Variants in CDH20 observed in about 807,000 individuals in gnomAD.
CDH20 encodes the protein cadherin-20.
In CDH20, 29 loss-of-function variants were observed where a neutral mutation model predicts 74.2. That is an observed-to-expected ratio of 0.39 (90% CI 0.29 to 0.53). The LOEUF (loss-of-function observed/expected upper bound fraction) is 0.53, where lower values mean the gene tolerates loss of function less well. Among genes scored for constraint, CDH20 ranks in the 20% least tolerant of loss-of-function variants. The pLI, the probability that CDH20 is intolerant of heterozygous loss-of-function variation, is 0.69. For missense variants in CDH20, 988 were observed against 1,048.3 expected, an observed-to-expected ratio of 0.94 and a Z score of 0.79; for synonymous variants, 469 against 405.4, an observed-to-expected ratio of 1.16 and a Z score of -1.88.
At chr18:61,530,649 A>T (rs1912605717) in intron 7 of CDH20, among the ~76,000 whole-genome samples, 1 of 152,174 alleles carries the variant, frequency 6.6e-6, no homozygotes, top group South Asian at 2.1e-4. Context: ...CTTATTTATA[A>T]TCCCCAAAAC....
At chr18:61,469,986 C>T (rs563265654) in intron 1 of CDH20, among the ~76,000 whole-genome samples, 13 of 152,166 alleles carry the variant, frequency 8.5e-5, no homozygotes, top group Middle Eastern at 3.4e-3. Context: ...GATTTCTTAC[C>T]AAAGACCATT....
chr18:61,375,484 CCTTCGTGCTA>C (rs1282619165), intron 1 of CDH20, among the ~76,000 whole-genome samples: 2 of 151,740 alleles, frequency 1.3e-5, no homozygotes, highest in Non-Finnish European at 2.9e-5. Context: ...GAAAAACAAT[CCTTCGTGCTA>C]CTTCGTGCTA....
At chr18:61,486,152 G>A (rs2849866) in intron 1 of CDH20, among the ~76,000 whole-genome samples, 151,026 of 152,288 alleles carry the variant, frequency 0.99, 74,905 homozygotes, top group Middle Eastern at 1. Flanking sequence ...GAAGAAATAA[G>A]AACTTAGTAA....
At chr18:61,492,425 T>TA (rs1910991443) in intron 2 of CDH20, among the ~76,000 whole-genome samples, 1 of 152,186 alleles carries the variant, frequency 6.6e-6, no homozygotes, top group Non-Finnish European at 1.5e-5. Flanking sequence ...ATGGTCTTTT[T>TA]AAAATTTAAG....
chr18:61,446,221 A>G (rs1209398737), intron 1 of CDH20, among the ~76,000 whole-genome samples: 2 of 152,196 alleles, frequency 1.3e-5, no homozygotes, highest in Non-Finnish European at 2.9e-5. Context: ...ACGTTGTAAA[A>G]CTACATACAC....
At chr18:61,456,967 C>CT (rs1248501707) in intron 1 of CDH20, among the ~76,000 whole-genome samples, 2 of 152,140 alleles carry the variant, frequency 1.3e-5, no homozygotes, top group African/African-American at 4.8e-5. Context: ...ACCTAAGTAC[C>CT]TCCCAAAGGC....
At chr18:61,444,020 C>T (rs1316012991) in intron 1 of CDH20, among the ~76,000 whole-genome samples, 5 of 152,070 alleles carry the variant, frequency 3.3e-5, no homozygotes, top group African/African-American at 1.2e-4. Context: ...TACTCTTTCC[C>T]CTGAATATAC....
intron 1 of CDH20, among the ~76,000 whole-genome samples, chr18:61,394,907 C>T (rs907335978): frequency 6.6e-6 from 1 of 151,842 alleles, no homozygotes; most frequent in East Asian, 2.0e-4. Flanking sequence ...TTTCAATATT[C>T]TCCACCTTTT....
intron 1 of CDH20, among the ~76,000 whole-genome samples, chr18:61,448,158 T>C (rs1293936585): frequency 6.6e-6 from 1 of 152,214 alleles, no homozygotes; most frequent in East Asian, 1.9e-4. Flanking sequence ...ATGCTTGGCC[T>C]AGTGCTCATT....
intron 1 of CDH20, among the ~76,000 whole-genome samples, chr18:61,459,826 A>C (rs1469646984): frequency 6.6e-6 from 1 of 152,118 alleles, no homozygotes; most frequent in African/African-American, 2.4e-5. Flanking sequence ...AACTAGGAAT[A>C]CTCTAATCAT....
chr18:61,545,233 G>C lies in CDH20; in HGVS notation c.1648+89G>C, dbSNP rs1266775843. The C allele has an allele frequency of 1.2e-5, 10 of 836,810 alleles. No homozygotes were observed. In the East Asian group the frequency reaches 1.9e-4, roughly 16 times the overall value. 51.8% of individuals were successfully genotyped at this position (836,810 alleles called of 1,614,324 possible). A position where few individuals can be genotyped will look rare whatever the true frequency, so the allele number is the denominator to read the frequency against. On this transcript the variant is annotated intron_variant, in intron 10 of 11. Transcript: ENST00000262717. Reference sequence around the variant, plus strand: ...CTGTCTTATGCAAACAGTGTCAAAGGCTACCTGTTCCATACCAGCAGGGAG... The same window carrying C: ...CTGTCTTATGCAAACAGTGTCAAAGCCTACCTGTTCCATACCAGCAGGGAG...
chr18:61,544,849 C>T (rs1913177135), intron 9 of CDH20, among the ~76,000 whole-genome samples, 178 bp from the exon 10 acceptor site: 1 of 152,128 alleles, frequency 6.6e-6, no homozygotes, highest in South Asian at 2.1e-4. Flanking sequence ...AGGATGGAGC[C>T]CTCACCAGGA....
intron 6 of CDH20, among the ~76,000 whole-genome samples, chr18:61,526,086 CA>C (rs1477914355): frequency 5.6e-5 from 8 of 143,986 alleles, no homozygotes; most frequent in African/African-American, 2.1e-4. Flanking sequence ...GTCAGGCTTA[CA>C]GGCATGAACC....
At chr18:61,499,573 C>G in intron 3 of CDH20, 93 bp downstream of exon 3, 1 of 1,013,208 alleles carries the variant, frequency 9.9e-7, no homozygotes, top group Non-Finnish European at 1.5e-6. Context: ...CATGTAGATA[C>G]ACATATATTC....
At chr18:61,531,307 A>G (rs2144377538) in intron 7 of CDH20, among the ~76,000 whole-genome samples, 1 of 152,056 alleles carries the variant, frequency 6.6e-6, no homozygotes, top group Admixed American at 6.6e-5. Flanking sequence ...CATTCACTAT[A>G]TTGCCGTAGG....
At chr18:61,504,829 C>T (rs2144325796) in intron 5 of CDH20, among the ~76,000 whole-genome samples, 2 of 152,088 alleles carry the variant, frequency 1.3e-5, no homozygotes, top group Middle Eastern at 3.4e-3. Context: ...CAGGAGATCT[C>T]AAATATTTAC....
chr18:61,555,647 T>C lies in CDH20; in HGVS notation c.*952T>C. On this transcript the variant is annotated 3_prime_UTR_variant, in exon 12 of 12. Coordinates refer to ENST00000262717, the MANE Select transcript of CDH20 (RefSeq NM_031891.4). ...CCTACTTGAACAAAAATCAGTATTATAGAGAATAAATGGATGTAAGAAAAT... is the reference window on the plus strand; with the variant it reads ...CCTACTTGAACAAAAATCAGTATTACAGAGAATAAATGGATGTAAGAAAAT... The C allele has an allele frequency of 2.0e-6, 2 of 982,490 alleles. No individual in the cohort carries two copies. Among genetic ancestry groups the C allele is most frequent in the Middle Eastern group, 5.2e-4 (1 of 1,912 alleles). 60.9% of individuals were successfully genotyped at this position (982,490 alleles called of 1,614,324 possible).
chr18:61,491,179 GT>G (rs1174030684), intron 2 of CDH20, among the ~76,000 whole-genome samples: 2 of 151,972 alleles, frequency 1.3e-5, no homozygotes, highest in African/African-American at 2.4e-5. Context: ...TTTTTGTGGG[GT>G]TTTTTTCAGA....
At position 61,348,182 on chromosome 18, in the gene CDH20, T is replaced by A. The variant is rs189024362; in HGVS notation, c.-153+14355T>A. Among the ~76,000 whole-genome samples the A allele has an allele frequency of 6.3e-4, 96 of 152,346 alleles. 2 individuals are homozygous for A. The highest frequency in any genetic ancestry group is 2.2e-3 in the African/African-American group (92 of 41,580). ...CAAAGTGTGTTTGTGCCAAATGTGT[T>A]ACTTTCCTTATTCTTAGGAACTGTT... On this transcript the variant is annotated intron_variant, in intron 1 of 11. Coordinates refer to ENST00000262717, the MANE Select transcript of CDH20 (RefSeq NM_031891.4).
Sources: gnomAD v4.1 joint callset for allele counts (sites outside exome capture counted in the v4.1 genomes callset) on GRCh38, gnomAD v4.1.1 for gene constraint, MANE v1.5 for transcripts, NCBI Gene and HGNC (gene_info 2026-07-23, HGNC 2026-07-21) for gene names.